The following DGKG variants were observed in gnomAD, a reference collection of about 807,000 sequenced individuals.
DGKG encodes DAG kinase gamma.
DGKG carries 78 observed loss-of-function variants against 105.3 expected under a neutral mutation model. The observed-to-expected ratio is 0.74, with a 90% CI of 0.62 to 0.89. The LOEUF is 0.89. DGKG is among the 40% of genes least tolerant of loss of function. The pLI is 0.00. For missense variants in DGKG, 958 were observed against 1,020.1 expected, an observed-to-expected ratio of 0.94 and a Z score of 0.83; for synonymous variants, 346 against 367.1, an observed-to-expected ratio of 0.94 and a Z score of 0.66.
At chr3:186,321,989 C>T (rs1725101729) in intron 1 of DGKG, among the ~76,000 whole-genome samples, 1 of 152,110 alleles carries the variant, frequency 6.6e-6, no homozygotes, top group African/African-American at 2.4e-5. Context: ...CTGCCAAATC[C>T]AGCAGGCACC....
chr3:186,176,891 A>C (rs1027547880), intron 22 of DGKG, among the ~76,000 whole-genome samples: 4 of 152,226 alleles, frequency 2.6e-5, no homozygotes, highest in Admixed American at 1.3e-4. Context: ...CTCTGCTAAC[A>C]GAAGCCCCTG....
intron 24 of DGKG, chr3:186,158,058 C>T (rs1716121763): frequency 2.8e-6 from 1 of 352,244 alleles, no homozygotes; most frequent in Non-Finnish European, 4.0e-6. Flanking sequence ...TTTTATATTA[C>T]ATTTATATTT....
At chr3:186,258,047 C>A in intron 16 of DGKG, 108 bp from the exon 17 acceptor site, 1 of 807,924 alleles carries the variant, frequency 1.2e-6, no homozygotes, top group South Asian at 1.5e-5. Context: ...GTTAAGACCT[C>A]GATTCCTTTT....
chr3:186,237,286 G>C (rs1720463671), intron 20 of DGKG, among the ~76,000 whole-genome samples: 1 of 152,166 alleles, frequency 6.6e-6, no homozygotes, highest in African/African-American at 2.4e-5. Flanking sequence ...GTGGACTCCA[G>C]GGCCCCACAC....
At chr3:186,206,589 G>A (rs1332171106) in intron 21 of DGKG, among the ~76,000 whole-genome samples, 3 of 151,684 alleles carry the variant, frequency 2.0e-5, no homozygotes, top group Non-Finnish European at 4.4e-5. Flanking sequence ...TGCCTCCCTC[G>A]CCCCACCCCC....
At chr3:186,150,889 C>A (rs990839017) in intron 24 of DGKG, among the ~76,000 whole-genome samples, 9 of 152,222 alleles carry the variant, frequency 5.9e-5, no homozygotes, top group Admixed American at 2.6e-4. Flanking sequence ...ACCTTATCCT[C>A]AGGTCATGGC....
At chr3:186,298,941 C>T (rs1169675212) in intron 3 of DGKG, among the ~76,000 whole-genome samples, 1 of 152,158 alleles carries the variant, frequency 6.6e-6, no homozygotes, top group African/African-American at 2.4e-5. Context: ...AGGAGAAGAG[C>T]AGGAAGCCAA....
In DGKG at chr3:186,280,718, C is replaced by T. The variant is rs1722792654; in HGVS notation, c.621G>A (p.Met207Ile). Residue 207 changes from methionine (M) to isoleucine (I), a missense_variant, in exon 8 of 25, where the codon ATG becomes ATA. By Grantham distance (10) the Met-to-Ile change is conservative. Around this residue, in one of 2 missense-constraint regions of DGKG, gnomAD observed 643 missense variants for 619.5 expected, o/e 1.04. Coordinates refer to ENST00000265022, the MANE Select transcript of DGKG (RefSeq NM_001346.3). ...QAEMDCIVNQ[M>I]LHIAQYLEWD... ...ACTCCAGGTACTGGGCAATATGCAG[C>T]ATTTGGTTGACAATGCAATCCATCT... 6.2e-7 allele frequency: 1 copy of T among 1,614,076 alleles called. No individual in the cohort carries two copies. The highest frequency in any genetic ancestry group is 1.1e-5 in the South Asian group (1 of 91,078).
At chr3:186,261,844 G>T in intron 14 of DGKG, 66 bp from the exon 15 acceptor site, 1 of 1,067,450 alleles carries the variant, frequency 9.4e-7, no homozygotes, top group Non-Finnish European at 1.4e-6. Context: ...GATGAGAGTT[G>T]AAGCCAAGAC....
At chr3:186,267,581 G>A (rs1346815486) in intron 13 of DGKG, 104 bp downstream of exon 13, 4 of 856,322 alleles carry the variant, frequency 4.7e-6, no homozygotes, top group Admixed American at 1.9e-5. Flanking sequence ...AACCCAAAGA[G>A]TTGTCAGGGA....
intron 20 of DGKG, among the ~76,000 whole-genome samples, chr3:186,236,667 T>C (rs1199491563): frequency 1.3e-5 from 2 of 152,216 alleles, no homozygotes; most frequent in Non-Finnish European, 2.9e-5. Flanking sequence ...GGGGAGCCCC[T>C]CATCAGTGAC....
intron 22 of DGKG, among the ~76,000 whole-genome samples, chr3:186,184,086 T>G (rs887274334): frequency 6.6e-6 from 1 of 151,756 alleles, no homozygotes; most frequent in Non-Finnish European, 1.5e-5. Context: ...ACTGGCATTC[T>G]CCAACACAAA....
intron 6 of DGKG, among the ~76,000 whole-genome samples, chr3:186,287,947 A>AT (rs1382099705): frequency 6.6e-6 from 1 of 152,178 alleles, no homozygotes; most frequent in Non-Finnish European, 1.5e-5. Context: ...GACAATACAG[A>AT]TTTTTTAACA....
chr3:186,268,991 G>T (rs1722191392), intron 11 of DGKG, 74 bp from the exon 12 acceptor site: 1 of 1,040,894 alleles, frequency 9.6e-7, no homozygotes, highest in Non-Finnish European at 1.5e-6. Flanking sequence ...TGGAGGAGAA[G>T]GATCTGGGAG....
At chr3:186,175,211 T>C (rs1717016338) in intron 22 of DGKG, among the ~76,000 whole-genome samples, 1 of 152,164 alleles carries the variant, frequency 6.6e-6, no homozygotes, top group Non-Finnish European at 1.5e-5. Context: ...CTGGATTTCC[T>C]AATGGGCTGA....
At chr3:186,183,512 G>C (rs1037144380) in intron 22 of DGKG, among the ~76,000 whole-genome samples, 2 of 151,848 alleles carry the variant, frequency 1.3e-5, no homozygotes, top group Non-Finnish European at 2.9e-5. Context: ...CTTGGGGGGG[G>C]GCGGGGTAAC....
At chr3:186,323,708 G>T (rs901268747) in intron 1 of DGKG, among the ~76,000 whole-genome samples, 1 of 152,018 alleles carries the variant, frequency 6.6e-6, no homozygotes, top group African/African-American at 2.4e-5. Context: ...AGGCCGAGAC[G>T]GGCGGATCAC....
chr3:186,307,987 T>C (rs1448166786), intron 2 of DGKG, among the ~76,000 whole-genome samples: 1 of 151,916 alleles, frequency 6.6e-6, no homozygotes, highest in East Asian at 1.9e-4. Context: ...ATAATTAGCA[T>C]GGTTGATTTT....
intron 21 of DGKG, among the ~76,000 whole-genome samples, chr3:186,198,761 T>C (rs1718303833): frequency 6.6e-6 from 1 of 152,224 alleles, no homozygotes; most frequent in African/African-American, 2.4e-5. Context: ...GTTACCTGCA[T>C]GTCTGCAGGG....
Sources: allele counts gnomAD v4.1 joint callset (sites outside exome capture counted in the v4.1 genomes callset), GRCh38; gene constraint gnomAD v4.1.1; regional missense constraint gnomAD v4.1.1; transcripts MANE v1.5; gene names NCBI Gene and HGNC (gene_info 2026-07-23, HGNC 2026-07-21).